STIMATE: variants seen among roughly 807,000 people sequenced by gnomAD.
STIMATE encodes store-operated calcium entry regulator STIMATE.
In STIMATE, 15 loss-of-function variants were observed where a neutral mutation model predicts 36.7. That is an observed-to-expected ratio of 0.41 (90% confidence interval 0.27 to 0.63). The LOEUF (loss-of-function observed/expected upper bound fraction) is 0.63, where lower values mean the gene tolerates loss of function less well. Ranked by LOEUF, STIMATE falls within the 20% of genes least tolerant of loss-of-function variation. STIMATE has a pLI of 0.32. For missense variants in STIMATE, 305 were observed against 397.3 expected, an observed-to-expected ratio of 0.77 and a Z score of 1.98; for synonymous variants, 163 against 162.3, an observed-to-expected ratio of 1.00 and a Z score of -0.03.
At chr3:52,840,854 T>C (rs1198451121) in intron 7 of STIMATE, among the ~76,000 whole-genome samples, 3 of 152,116 alleles carry the variant, frequency 2.0e-5, no homozygotes, top group Non-Finnish European at 4.4e-5. Flanking sequence ...CGTGGCACCA[T>C]GCCTGGTTCG....
intron 7 of STIMATE, among the ~76,000 whole-genome samples, chr3:52,841,017 T>C (rs1700788839): frequency 6.6e-6 from 1 of 152,194 alleles, no homozygotes; most frequent in Non-Finnish European, 1.5e-5. Flanking sequence ...AGTCTTAATG[T>C]TTCTTTACAA....
rs1375434733 is a variant in STIMATE at position 52,890,762 on chromosome 3, G to C, written c.160+6529C>G. ...CCTTATAGTCATATGGCAACCAACAGGGAAATGAACTCTGTGAAACTCAGC... is the reference window on the plus strand; with the variant it reads ...CCTTATAGTCATATGGCAACCAACACGGAAATGAACTCTGTGAAACTCAGC... On this transcript the variant is annotated intron_variant, in intron 1 of 7. Coordinates refer to ENST00000355083, the MANE Select transcript of STIMATE (RefSeq NM_198563.5). Among the ~76,000 whole-genome samples the C allele has an allele frequency of 2.6e-5, 4 of 152,332 alleles. No homozygotes were observed. In the East Asian group the frequency reaches 5.8e-4, roughly 22 times the overall value.
chr3:52,887,627 C>G (rs1017259480), intron 1 of STIMATE, among the ~76,000 whole-genome samples: 2 of 152,328 alleles, frequency 1.3e-5, no homozygotes, highest in Middle Eastern at 3.4e-3. Context: ...TGCTTTGAGA[C>G]AGTGCCTCTC....
intron 1 of STIMATE, among the ~76,000 whole-genome samples, chr3:52,860,709 G>C (rs568557842): frequency 6.6e-6 from 1 of 152,250 alleles, no homozygotes; most frequent in Non-Finnish European, 1.5e-5. Context: ...GGGGCAATAG[G>C]AGAGGGGAGA....
intron 1 of STIMATE, among the ~76,000 whole-genome samples, chr3:52,885,431 T>A (rs12638968): frequency 0.61 from 93,434 of 152,048 alleles, 29,050 homozygotes; most frequent in South Asian, 0.82. Context: ...CTAGAGCTAG[T>A]TGAAACCTAA....
In STIMATE at chr3:52,843,310, ATCT is replaced by A. The variant is rs1700836323; in HGVS notation, c.619-353_619-351del. ...TGGGTGGCCGGCACACCCTGCTGTC[ATCT>A]GTTTGTCCCAGCTTCCCTCACCACT... On this transcript the variant is annotated intron_variant, in intron 6 of 7. Transcript: ENST00000355083. The A allele has an allele frequency of 9.5e-5, 38 of 399,634 alleles. No homozygotes were observed. The South Asian group carries it at 1.1e-3, about 11-fold the overall frequency. 24.8% of individuals were successfully genotyped at this position (399,634 alleles called of 1,614,324 possible).
At chr3:52,875,298 G>A (rs1037805475) in intron 1 of STIMATE, among the ~76,000 whole-genome samples, 6 of 152,184 alleles carry the variant, frequency 3.9e-5, no homozygotes, top group African/African-American at 1.4e-4. Flanking sequence ...GCAACCTTGT[G>A]GTTAGTCAAA....
intron 5 of STIMATE, among the ~76,000 whole-genome samples, 181 bp downstream of exon 5, chr3:52,844,648 T>G (rs1700862288): frequency 6.6e-6 from 1 of 152,166 alleles, no homozygotes; most frequent in Non-Finnish European, 1.5e-5. Context: ...ACATTTAAAG[T>G]GGATGGATGC....
intron 1 of STIMATE, among the ~76,000 whole-genome samples, chr3:52,889,713 G>A (rs1400684666): frequency 6.6e-6 from 1 of 152,144 alleles, no homozygotes. Context: ...GGCAGATACT[G>A]GGTCCCTGTT....
chr3:52,851,912 T>C (rs1044960727), intron 3 of STIMATE, among the ~76,000 whole-genome samples: 1 of 152,180 alleles, frequency 6.6e-6, no homozygotes, highest in African/African-American at 2.4e-5. Context: ...TTACAGTATA[T>C]ATAACCTCTC....
chr3:52,893,587 G>A (rs537382494), intron 1 of STIMATE, among the ~76,000 whole-genome samples: 24 of 152,218 alleles, frequency 1.6e-4, no homozygotes, highest in African/African-American at 4.3e-4. Flanking sequence ...CAGGGAGGCC[G>A]GTTTACCACG....
intron 1 of STIMATE, among the ~76,000 whole-genome samples, chr3:52,872,880 C>A (rs1397318309): frequency 6.6e-6 from 1 of 152,230 alleles, no homozygotes; most frequent in Non-Finnish European, 1.5e-5. Context: ...CCCACCTTGG[C>A]CTCCCAAAGT....
chr3:52,855,114 C>A (rs899962780), intron 2 of STIMATE, among the ~76,000 whole-genome samples: 4 of 152,122 alleles, frequency 2.6e-5, no homozygotes, highest in Admixed American at 6.5e-5. Context: ...AAGGAGCCAG[C>A]ATCGGGGACT....
chr3:52,843,916 C>A, intron 5 of STIMATE, 118 bp from the exon 6 acceptor site: 1 of 1,361,296 alleles, frequency 7.3e-7, no homozygotes, highest in Non-Finnish European at 1.0e-6. Context: ...TCCTCCAAAG[C>A]CCAATGGGAG....
At chr3:52,867,948 A>G (rs1436901014) in intron 1 of STIMATE, among the ~76,000 whole-genome samples, 1 of 152,120 alleles carries the variant, frequency 6.6e-6, no homozygotes, top group Non-Finnish European at 1.5e-5. Context: ...GGCTGGTCCT[A>G]TGGAGCCCAG....
chr3:52,847,972 A>G (rs1487790209), intron 4 of STIMATE: 1 of 167,722 alleles, frequency 6.0e-6, no homozygotes, highest in Non-Finnish European at 1.3e-5. Flanking sequence ...GAGGCTGGAA[A>G]GGGCGAGAAA....
chr3:52,840,614 A>G lies in STIMATE; in HGVS notation c.769-4T>C. The G allele has an allele frequency of 6.2e-7, 1 of 1,611,768 alleles. No homozygotes were observed. Among genetic ancestry groups the G allele is most frequent in the Non-Finnish European group, 8.5e-7 (1 of 1,178,934 alleles). ...CATCATCCGCTGAGATCAGGATCTG[A>G]GGCAGTAGAGAGGCAGGGCCTGAGT... On this transcript the variant is annotated splice_polypyrimidine_tract_variant and splice_region_variant and intron_variant, in intron 7 of 7. Transcript: ENST00000355083.
chr3:52,842,143 C>T (rs1042661385), intron 7 of STIMATE, among the ~76,000 whole-genome samples: 10 of 152,226 alleles, frequency 6.6e-5, no homozygotes, highest in Non-Finnish European at 1.3e-4. Context: ...CCGGGGAAGA[C>T]GTTTGTCTCA....
intron 1 of STIMATE, among the ~76,000 whole-genome samples, chr3:52,883,704 A>G (rs1701646522): frequency 6.6e-6 from 1 of 152,096 alleles, no homozygotes; most frequent in South Asian, 2.1e-4. Context: ...CTATTCTTTC[A>G]TAGTTTAATT....
Sources: gnomAD v4.1 joint callset for allele counts (sites outside exome capture counted in the v4.1 genomes callset) on GRCh38, gnomAD v4.1.1 for gene constraint, MANE v1.5 for transcripts, NCBI Gene and HGNC (gene_info 2026-07-23, HGNC 2026-07-21) for gene names.